Variants in XYLT1 observed in about 807,000 individuals in gnomAD.
XYLT1 encodes beta-D-xylosyltransferase 1.
Under a neutral mutation model 91.3 loss-of-function variants are expected in XYLT1, and 36 were observed. The ratio of observed to expected loss-of-function variants is 0.39; its 90% CI spans 0.30 to 0.52. The LOEUF is 0.52. Among genes scored for constraint, XYLT1 ranks in the 20% least tolerant of loss-of-function variants. The pLI is 0.68. For missense variants in XYLT1, 1,242 were observed against 1,284.5 expected (o/e 0.97, Z 0.51); for synonymous variants, 588 against 532.0 (o/e 1.11, Z -1.45).
intron 3 of XYLT1, among the ~76,000 whole-genome samples, chr16:17,232,135 ATAGAT>A (rs1286047920): frequency 6.9e-5 from 10 of 144,808 alleles, no homozygotes; most frequent in Admixed American, 3.5e-4. Context: ...ATAATATATA[ATAGAT>A]AATAGATTAT....
intron 1 of XYLT1, among the ~76,000 whole-genome samples, chr16:17,418,346 G>A (rs909189549): frequency 6.6e-6 from 1 of 152,104 alleles, no homozygotes; most frequent in Non-Finnish European, 1.5e-5. Context: ...ATTTATACCC[G>A]TTTATATAAC....
At chr16:17,355,615 C>A (rs1303058980) in intron 2 of XYLT1, among the ~76,000 whole-genome samples, 2 of 151,938 alleles carry the variant, frequency 1.3e-5, no homozygotes, top group Non-Finnish European at 2.9e-5. Flanking sequence ...TAATGTTGTG[C>A]AAAAAAATAT....
chr16:17,219,384 A>G (rs2032922291), intron 3 of XYLT1, among the ~76,000 whole-genome samples: 1 of 152,148 alleles, frequency 6.6e-6, no homozygotes, highest in Non-Finnish European at 1.5e-5. Context: ...GACCAGATGG[A>G]CATGATAGGC....
chr16:17,457,630 G>A (rs1234271468), intron 1 of XYLT1, among the ~76,000 whole-genome samples: 5 of 152,132 alleles, frequency 3.3e-5, no homozygotes, highest in Admixed American at 3.3e-4. Context: ...TCCCTCAATA[G>A]GGTTACAAGA....
At position 17,106,727 on chromosome 16, in the gene XYLT1, C is replaced by T. The variant is rs375846942; in HGVS notation, c.*1968G>A. On this transcript the variant is annotated 3_prime_UTR_variant, in exon 12 of 12. Transcript: ENST00000261381. ...GCCTGTCACCTCCTTGTGCCTGTGA[C>T]GGGGGGTGAGTAGGGGGAGGATGGG... 4 of 151,994 alleles carry T rather than the reference C, an allele frequency of 2.6e-5. No individual in the cohort carries two copies. Among genetic ancestry groups the T allele is most frequent in the Non-Finnish European group, 4.4e-5 (3 of 68,042 alleles). 9.4% of individuals were successfully genotyped at this position (151,994 alleles called of 1,614,324 possible).
At chr16:17,130,390 G>C (rs557528812) in intron 9 of XYLT1, among the ~76,000 whole-genome samples, 1 of 152,352 alleles carries the variant, frequency 6.6e-6, no homozygotes, top group African/African-American at 2.4e-5. Flanking sequence ...AGAATTTGCT[G>C]TTACGGGAGT....
chr16:17,296,845 G>A (rs555226720), intron 2 of XYLT1, among the ~76,000 whole-genome samples: 22 of 152,298 alleles, frequency 1.4e-4, no homozygotes, highest in South Asian at 4.1e-4. Flanking sequence ...ACAAACCACC[G>A]GGGTTCAAAT....
At chr16:17,411,077 C>A (rs1034462990) in intron 1 of XYLT1, among the ~76,000 whole-genome samples, 7 of 152,220 alleles carry the variant, frequency 4.6e-5, no homozygotes, top group African/African-American at 1.7e-4. Flanking sequence ...TGGGTCTGAA[C>A]CCTGCTCCCC....
At chr16:17,239,846 T>TA (rs1281145089) in intron 3 of XYLT1, among the ~76,000 whole-genome samples, 1 of 152,160 alleles carries the variant, frequency 6.6e-6, no homozygotes, top group African/African-American at 2.4e-5. Context: ...CTTATCTTTT[T>TA]ATCCATCCAT....
chr16:17,161,677 G>GCTCTCTCTCTCTCT (rs10676460), intron 5 of XYLT1, among the ~76,000 whole-genome samples: 72 of 148,998 alleles, frequency 4.8e-4, no homozygotes, highest in Middle Eastern at 6.8e-3. Context: ...TTTCTCGCGC[G>GCTCTCTCTCTCTCT]CTCTCTCTCT....
chr16:17,124,902 C>T (rs941361133), intron 10 of XYLT1, among the ~76,000 whole-genome samples: 1 of 152,190 alleles, frequency 6.6e-6, no homozygotes, highest in African/African-American at 2.4e-5. Flanking sequence ...CTTTCCAGTG[C>T]ATTTTGCAAT....
chr16:17,211,723 A>G (rs2032760748), intron 3 of XYLT1, among the ~76,000 whole-genome samples: 1 of 152,198 alleles, frequency 6.6e-6, no homozygotes, highest in South Asian at 2.1e-4. Context: ...TTGGCTAGCA[A>G]GAATCTGGCA....
intron 1 of XYLT1, among the ~76,000 whole-genome samples, chr16:17,405,519 G>A (rs887117395): frequency 6.6e-6 from 1 of 152,168 alleles, no homozygotes; most frequent in African/African-American, 2.4e-5. Flanking sequence ...GAAATCACAG[G>A]GACAGCAGCA....
chr16:17,245,034 CT>C (rs141470966), intron 3 of XYLT1, among the ~76,000 whole-genome samples: 9 of 151,962 alleles, frequency 5.9e-5, no homozygotes, highest in African/African-American at 1.9e-4. Flanking sequence ...AAACCACACT[CT>C]TTTTTTTGAC....
At chr16:17,449,257 A>C (rs13333544) in intron 1 of XYLT1, among the ~76,000 whole-genome samples, 6 of 152,220 alleles carry the variant, frequency 3.9e-5, no homozygotes, top group African/African-American at 1.4e-4. Context: ...CTGCAGCCCC[A>C]TCCTGGGGAA....
At chr16:17,423,093 T>C (rs2036268912) in intron 1 of XYLT1, among the ~76,000 whole-genome samples, 1 of 151,940 alleles carries the variant, frequency 6.6e-6, no homozygotes, top group Non-Finnish European at 1.5e-5. Flanking sequence ...AACAATGTGA[T>C]TATCGTTGCC....
chr16:17,277,675 C>G (rs1204361903), intron 2 of XYLT1, among the ~76,000 whole-genome samples: 1 of 152,088 alleles, frequency 6.6e-6, no homozygotes, highest in Non-Finnish European at 1.5e-5. Flanking sequence ...CAGGGGTGAG[C>G]CCCCGGGTTC....
chr16:17,186,167 G>A (rs1474897837), intron 5 of XYLT1, among the ~76,000 whole-genome samples: 2 of 152,054 alleles, frequency 1.3e-5, no homozygotes, highest in Admixed American at 6.6e-5. Context: ...GCAGTGGCGC[G>A]ATCTCGGCTC....
intron 1 of XYLT1, among the ~76,000 whole-genome samples, chr16:17,398,938 A>C (rs1596525186): frequency 1.3e-5 from 2 of 150,174 alleles, no homozygotes; most frequent in East Asian, 4.0e-4. Context: ...TCTACCTCCC[A>C]GGTTCAGGTG....
Sources: gnomAD v4.1 joint callset for allele counts (sites outside exome capture counted in the v4.1 genomes callset) on GRCh38, gnomAD v4.1.1 for gene constraint, MANE v1.5 for transcripts, NCBI Gene and HGNC (gene_info 2026-07-23, HGNC 2026-07-21) for gene names.